The following LRP1B variants were observed in gnomAD, a reference collection of about 807,000 sequenced individuals.
LRP1B encodes low-density lipoprotein receptor-related protein 1B.
Under a neutral mutation model 556.6 loss-of-function variants are expected in LRP1B, and 217 were observed. The observed-to-expected ratio is 0.39, with a 90% CI of 0.35 to 0.44. The LOEUF is 0.44. Among genes scored for constraint, LRP1B ranks in the 20% least tolerant of loss-of-function variants. The pLI, the probability that LRP1B is intolerant of heterozygous loss-of-function variation, is 1.00. For missense variants in LRP1B, 5,053 were observed against 5,620.8 expected, an observed-to-expected ratio of 0.90 and a Z score of 3.23; for synonymous variants, 2,047 against 1,865.8, an observed-to-expected ratio of 1.10 and a Z score of -2.50.
chr2:141,081,935 C>T (rs1525604), intron 7 of LRP1B, among the ~76,000 whole-genome samples: 128,884 of 151,942 alleles, frequency 0.85, 54,997 homozygotes, highest in Non-Finnish European at 0.89. Flanking sequence ...AACGGATTTT[C>T]CAAATAAAAG....
rs1559084026 is a variant in LRP1B, at chr2:141,463,607, A to ATATATAATATATAAT, written c.343+16788_343+16789insATTATATATTATATA. On this transcript the variant is annotated intron_variant, in intron 3 of 90. Coordinates refer to ENST00000389484, the MANE Select transcript of LRP1B (RefSeq NM_018557.3). Reference sequence around the variant, plus strand: ...TTATATATAATATATATTATATATTATATATAATTATGTATTATATATTAT... The same window carrying ATATATAATATATAAT: ...TTATATATAATATATATTATATATTATATATAATATATAATTATATAATTATGTATTATATATTAT... Among the ~76,000 whole-genome samples, 771 of 107,932 alleles carry ATATATAATATATAAT rather than the reference A, an allele frequency of 7.1e-3. 19 individuals carry two copies. Among genetic ancestry groups the ATATATAATATATAAT allele is most frequent in the Non-Finnish European group, 0.011 (629 of 56,378 alleles). 70.8% of individuals were successfully genotyped at this position (107,932 alleles called of 152,430 possible).
intron 18 of LRP1B, among the ~76,000 whole-genome samples, chr2:140,976,595 C>A (rs1378803724): frequency 6.7e-6 from 1 of 149,320 alleles, no homozygotes; most frequent in African/African-American, 2.5e-5. Context: ...GCAACCTCCA[C>A]CTCCCGGGTT....
intron 3 of LRP1B, among the ~76,000 whole-genome samples, chr2:141,415,722 T>A (rs899728557): frequency 6.9e-6 from 1 of 144,948 alleles, no homozygotes; most frequent in African/African-American, 2.5e-5. Flanking sequence ...TTAATATGTA[T>A]GCATTTCAGT....
At chr2:141,015,293 T>A (rs1460748878) in intron 13 of LRP1B, among the ~76,000 whole-genome samples, 1 of 152,084 alleles carries the variant, frequency 6.6e-6, no homozygotes, top group Admixed American at 6.6e-5. Flanking sequence ...TGTCACCAAG[T>A]TACTTACTCA....
intron 11 of LRP1B, among the ~76,000 whole-genome samples, chr2:141,030,597 C>T (rs1335688589): frequency 2.0e-5 from 3 of 152,000 alleles, no homozygotes; most frequent in Admixed American, 1.3e-4. Context: ...GAGTGCATTG[C>T]TATCCAGTGC....
At chr2:141,671,274 G>A (rs1307584503) in intron 2 of LRP1B, among the ~76,000 whole-genome samples, 1 of 152,142 alleles carries the variant, frequency 6.6e-6, no homozygotes, top group African/African-American at 2.4e-5. Context: ...GCTAGAAAAA[G>A]ATAATCTAAG....
In LRP1B at chr2:141,781,544, C is replaced by T. The variant is rs544292498; in HGVS notation, c.205+28735G>A. On this transcript the variant is annotated intron_variant, in intron 2 of 90. Coordinates refer to ENST00000389484, the MANE Select transcript of LRP1B (RefSeq NM_018557.3). Reference sequence around the variant, plus strand: ...AGTCACACAATTTTTTCACTCTCTTCCCAGGTTTGGTCAACAAAACTCCAT... The same window carrying T: ...AGTCACACAATTTTTTCACTCTCTTTCCAGGTTTGGTCAACAAAACTCCAT... Among the ~76,000 whole-genome samples, 33 of 152,222 alleles carry T rather than the reference C, an allele frequency of 2.2e-4. 2 individuals are homozygous for T. In the South Asian group the frequency reaches 6.8e-3, roughly 32 times the overall value.
At chr2:142,001,846 C>G (rs978969567) in intron 1 of LRP1B, among the ~76,000 whole-genome samples, 1 of 152,092 alleles carries the variant, frequency 6.6e-6, no homozygotes, top group Non-Finnish European at 1.5e-5. Context: ...ATTTTATCAG[C>G]TTCTGACAGT....
At chr2:141,661,719 C>T (rs568990745) in intron 2 of LRP1B, among the ~76,000 whole-genome samples, 12 of 152,186 alleles carry the variant, frequency 7.9e-5, no homozygotes, top group African/African-American at 2.4e-4. Flanking sequence ...GGTACCTGAA[C>T]GAGATGGGGA....
chr2:140,603,576 C>T (rs563128331), intron 41 of LRP1B, among the ~76,000 whole-genome samples: 1 of 152,078 alleles, frequency 6.6e-6, no homozygotes, highest in Non-Finnish European at 1.5e-5. Flanking sequence ...ATATCTTCCT[C>T]TTCGTAACTT....
intron 41 of LRP1B, among the ~76,000 whole-genome samples, chr2:140,604,468 C>G (rs943266268): frequency 1.3e-5 from 2 of 152,000 alleles, no homozygotes; most frequent in African/African-American, 2.4e-5. Flanking sequence ...AGAAATAAAC[C>G]ACTACTCTTG....
chr2:141,630,700 T>C (rs979686791), intron 2 of LRP1B, among the ~76,000 whole-genome samples: 24 of 151,794 alleles, frequency 1.6e-4, no homozygotes, highest in African/African-American at 4.8e-4. Context: ...CCATCCTAAA[T>C]AGAGGAGCAT....
rs1350260961 is a variant in LRP1B at position 140,270,271 on chromosome 2, C to T, written c.13218G>A (p.Leu4406=). The T allele has an allele frequency of 6.2e-7, 1 of 1,611,858 alleles. No individual in the cohort carries two copies. The highest frequency in any genetic ancestry group is 8.5e-7 in the Non-Finnish European group (1 of 1,178,614). ...ACACAGGTACATTTGTCTCGGGGTC[C>T]AGCTGGCATGTGCCACCATTGTAAC... The part of the protein sequence containing the change: ...GYCYNGGTCQ[L]DPETNVPVCL... Residue 4406 remains leucine, a synonymous_variant, in exon 86 of 91, where the codon CTG becomes CTA. Transcript: ENST00000389484.
intron 7 of LRP1B, among the ~76,000 whole-genome samples, chr2:141,085,698 A>G (rs1325908243): frequency 6.6e-6 from 1 of 152,200 alleles, no homozygotes; most frequent in Admixed American, 6.5e-5. Context: ...GCAAACTAAT[A>G]CATAACCGTG....
At chr2:141,288,825 C>G (rs1685827306) in intron 3 of LRP1B, among the ~76,000 whole-genome samples, 1 of 152,004 alleles carries the variant, frequency 6.6e-6, no homozygotes, top group African/African-American at 2.4e-5. Flanking sequence ...GCCTCTGAAA[C>G]TTCCCTTCAT....
At chr2:140,464,213 T>TA (rs1687446785) in intron 60 of LRP1B, among the ~76,000 whole-genome samples, 1 of 151,284 alleles carries the variant, frequency 6.6e-6, no homozygotes, top group African/African-American at 2.4e-5. Context: ...ATAATAATAA[T>TA]AATAAATAAA....
chr2:141,782,244 T>C (rs868299709), intron 2 of LRP1B, among the ~76,000 whole-genome samples: 3 of 152,088 alleles, frequency 2.0e-5, no homozygotes, highest in African/African-American at 7.2e-5. Flanking sequence ...TTTTGAAGTA[T>C]ATCTCTTAAA....
chr2:140,351,987 T>C (rs1480630472), intron 76 of LRP1B, among the ~76,000 whole-genome samples: 1 of 152,108 alleles, frequency 6.6e-6, no homozygotes, highest in African/African-American at 2.4e-5. Flanking sequence ...TATCAAATGC[T>C]ATAGCCCACA....
chr2:141,567,034 T>C (rs987460042), intron 2 of LRP1B, among the ~76,000 whole-genome samples: 12 of 152,114 alleles, frequency 7.9e-5, no homozygotes, highest in African/African-American at 2.7e-4. Context: ...AGGAAGATCA[T>C]GAAAAAAGAT....
Sources: allele counts gnomAD v4.1 joint callset (sites outside exome capture counted in the v4.1 genomes callset), GRCh38; gene constraint gnomAD v4.1.1; transcripts MANE v1.5; gene names NCBI Gene and HGNC (gene_info 2026-07-23, HGNC 2026-07-21).